The following INTS6 variants were observed in gnomAD, a reference collection of about 807,000 sequenced individuals.
INTS6 encodes the protein integrator complex subunit 6.
A neutral mutation model predicts 104.9 loss-of-function variants in INTS6; 16 were observed. The observed-to-expected ratio is 0.15, with a 90% CI of 0.10 to 0.23. The LOEUF (loss-of-function observed/expected upper bound fraction) is 0.23, where lower values mean the gene tolerates loss of function less well. INTS6 is among the 10% of genes least tolerant of loss of function. The pLI is 1.00. For synonymous variants in INTS6, 324 were observed against 358.7 expected (o/e 0.90, Z 1.09); for missense variants, 584 against 1,062.8 (o/e 0.55, Z 6.26).
intron 15 of INTS6, among the ~76,000 whole-genome samples, chr13:51,373,784 T>C (rs1955861747): frequency 6.6e-6 from 1 of 152,224 alleles, no homozygotes; most frequent in African/African-American, 2.4e-5. Flanking sequence ...ATCTGTTCAA[T>C]GACTGACCTT....
the INTS6 span, chr13:51,341,399 ACT>A: frequency 2.1e-5 from 32 of 1,494,878 alleles, no homozygotes; most frequent in Non-Finnish European, 2.6e-5. Flanking sequence ...TCACACTCAC[ACT>A]CTCTCCAGCT....
At chr13:51,381,580 T>G (rs1032317610) in intron 10 of INTS6, among the ~76,000 whole-genome samples, 1 of 152,208 alleles carries the variant, frequency 6.6e-6, no homozygotes, top group Non-Finnish European at 1.5e-5. Flanking sequence ...CTCTTTACCT[T>G]TATACCTATA....
At chr13:51,372,712 CT>C (rs918605812) in intron 15 of INTS6, among the ~76,000 whole-genome samples, 1 of 152,226 alleles carries the variant, frequency 6.6e-6, no homozygotes, top group African/African-American at 2.4e-5. Flanking sequence ...GACTCCTCCC[CT>C]GCTCTGGTCC....
chr13:51,341,229 T>C, the INTS6 span: 5 of 1,614,044 alleles, frequency 3.1e-6, no homozygotes, highest in Non-Finnish European at 4.2e-6. Flanking sequence ...CGTGTAGAAA[T>C]GAGACGAACT....
At chr13:51,443,365 G>C (rs1221373698) in intron 3 of INTS6, 5 of 152,056 alleles carry the variant, frequency 3.3e-5, no homozygotes, top group African/African-American at 1.2e-4. Context: ...TTTTAAGAGT[G>C]TATATTTTAA....
chr13:51,399,533 C>T (rs1320243433), intron 4 of INTS6, among the ~76,000 whole-genome samples: 1 of 152,062 alleles, frequency 6.6e-6, no homozygotes, highest in Non-Finnish European at 1.5e-5. Context: ...TGAGTATATA[C>T]CTAGTTGTGG....
rs1355006252 is a variant in INTS6, at chr13:51,452,281, TGG to T, written c.111+132_111+133del. ...TCGCAGCGCCCGCCCGCCCGCGCGG[TGG>T]GGGAGGGGGTCCCCGAGCCCGGCAG... On this transcript the variant is annotated intron_variant, in intron 1 of 17. Transcript: ENST00000311234. This position sits in a 1 kb window ranked among gnomAD's most constrained non-coding sequence, Gnocchi z 4.2. The T allele has an allele frequency of 2.1e-6, 2 of 936,380 alleles. No individual in the cohort carries two copies. The highest frequency in any genetic ancestry group is 2.7e-6 in the Non-Finnish European group (2 of 743,392). The allele number at this position is 936,380 out of a possible 1,614,324, so 58.0% of individuals were successfully genotyped here.
chr13:51,381,905 G>A (rs769180070), intron 10 of INTS6, 124 bp downstream of exon 10: 25 of 420,114 alleles, frequency 6.0e-5, no homozygotes, highest in Non-Finnish European at 9.9e-5. Context: ...GTTTCACCAT[G>A]TTGGCCAGGC....
chr13:51,384,541 C>A, intron 7 of INTS6: 1 of 439,138 alleles, frequency 2.3e-6, no homozygotes, highest in Non-Finnish European at 4.6e-6. Context: ...TATTTCTCTG[C>A]TGTATCTAAC....
In INTS6 at chr13:51,361,651, C is replaced by A. The variant is rs181916114; in HGVS notation, c.*4101G>T. 1.4e-4 allele frequency: 87 copies of A among 643,582 alleles called. No homozygotes were observed. In the East Asian group the frequency reaches 2.3e-3, roughly 17 times the overall value. 39.9% of individuals were successfully genotyped at this position (643,582 alleles called of 1,614,324 possible). ...CAGGATTGGCTAAATGGCATCTTTT[C>A]TCTTTAATTTTCCCATCTGCACCCC... On this transcript the variant is annotated 3_prime_UTR_variant, in exon 18 of 18. Coordinates refer to ENST00000311234, the MANE Select transcript of INTS6 (RefSeq NM_012141.3).
Position 51,451,118 on chromosome 13 carries a change from A to G in INTS6, c.246T>C (p.Ala82=), listed in dbSNP as rs201420828. The G allele has an allele frequency of 1.3e-6, 2 of 1,580,730 alleles. No homozygotes were observed. Among genetic ancestry groups the G allele is most frequent in the East Asian group, 2.3e-5 (1 of 44,078 alleles). Reference sequence around the variant, plus strand: ...ATTGGCCAAGAGTCGTAAGTCCTTCAGCCTGAAGGTTTTTCAATTCATTCA... The same window carrying G: ...ATTGGCCAAGAGTCGTAAGTCCTTCGGCCTGAAGGTTTTTCAATTCATTCA... ...TFMNELKNLQ[A]EGLTTLGQSL... The change falls in exon 3 of 18, where the codon GCT becomes GCC. Residue 82 remains alanine (A), a synonymous_variant. Coordinates refer to ENST00000311234, the MANE Select transcript of INTS6 (RefSeq NM_012141.3).
At chr13:51,360,851 A>C (rs1052817607), downstream of INTS6, among the ~76,000 whole-genome samples, 27 of 152,126 alleles carry the variant, frequency 1.8e-4, no homozygotes, top group African/African-American at 6.5e-4. Flanking sequence ...TGATCTCTGA[A>C]GCTTGGTGAA....
intron 3 of INTS6, chr13:51,443,588 A>G (rs1169232230): frequency 2.0e-5 from 3 of 152,204 alleles, no homozygotes; most frequent in Non-Finnish European, 4.4e-5. Flanking sequence ...GCTGAGTACA[A>G]TGGCAAGAGC....
chr13:51,384,876 G>C, intron 7 of INTS6: 8 of 357,438 alleles, frequency 2.2e-5, no homozygotes, highest in South Asian at 1.7e-4. Flanking sequence ...TCTCAGATTA[G>C]ACTAGTACAA....
At chr13:51,409,360 A>G (rs1033810835) in intron 4 of INTS6, among the ~76,000 whole-genome samples, 3 of 150,096 alleles carry the variant, frequency 2.0e-5, no homozygotes, top group Non-Finnish European at 4.4e-5. Context: ...TTTCATTCGT[A>G]CTTTCTAGGA....
the INTS6 span, chr13:51,344,209 TCA>T: frequency 6.9e-7 from 1 of 1,457,236 alleles, no homozygotes; most frequent in Non-Finnish European, 9.6e-7. Flanking sequence ...AACTCCTTAC[TCA>T]CACTCACCAT....
the INTS6 span, among the ~76,000 whole-genome samples, chr13:51,344,697 C>A: frequency 2.0e-5 from 3 of 151,818 alleles, no homozygotes; most frequent in African/African-American, 7.3e-5. Context: ...CACAAATATA[C>A]ACATGGGCAC....
the INTS6 span, among the ~76,000 whole-genome samples, chr13:51,336,571 CA>C: frequency 6.6e-6 from 1 of 152,172 alleles, no homozygotes; most frequent in African/African-American, 2.4e-5. Flanking sequence ...ATGACGATTC[CA>C]AAGCCCCTTC....
In INTS6 at chr13:51,398,889, T is replaced by C. The variant is rs532831803; in HGVS notation, c.430-3406A>G. Among the ~76,000 whole-genome samples, 14 of 152,292 alleles carry C rather than the reference T, an allele frequency of 9.2e-5. No individual in the cohort carries two copies. In the East Asian group the frequency reaches 2.5e-3, roughly 27 times the overall value. On this transcript the variant is annotated intron_variant, in intron 4 of 17. Coordinates refer to ENST00000311234, the MANE Select transcript of INTS6 (RefSeq NM_012141.3). ...TAGAACTCTTAACATCCAACATGGA[T>C]AGATCTCAAAACAATGTTTTTTGGG...
Sources: gnomAD v4.1 joint callset for allele counts (sites outside exome capture counted in the v4.1 genomes callset) on GRCh38, gnomAD v4.1.1 for gene constraint, Gnocchi (gnomAD v3.1) non-coding constraint, MANE v1.5 for transcripts, NCBI Gene and HGNC (gene_info 2026-07-23, HGNC 2026-07-21) for gene names.